SYT1: variants seen among roughly 807,000 people sequenced by gnomAD.
SYT1 encodes the protein synaptotagmin 1.
A neutral mutation model predicts 44.8 loss-of-function variants in SYT1; 8 were observed. That is an observed-to-expected ratio of 0.18 (90% CI 0.10 to 0.32). The LOEUF (loss-of-function observed/expected upper bound fraction) is 0.32. Among genes scored for constraint, SYT1 ranks in the 10% least tolerant of loss-of-function variants. The pLI, the probability that SYT1 is intolerant of heterozygous loss-of-function variation, is 1.00. For synonymous variants in SYT1, 154 were observed against 188.8 expected, an observed-to-expected ratio of 0.82 and a Z score of 1.51; for missense variants, 286 against 509.3, an observed-to-expected ratio of 0.56 and a Z score of 4.22.
chr12:78,883,520 C>T (rs1874576637), intron 1 of SYT1, among the ~76,000 whole-genome samples: 1 of 151,578 alleles, frequency 6.6e-6, no homozygotes, highest in South Asian at 2.1e-4. Flanking sequence ...GTCTTTGTTT[C>T]CCTAGATTAA....
chr12:78,993,317 A>G lies in SYT1; in HGVS notation c.-84+15386A>G, dbSNP rs546920195. On this transcript the variant is annotated intron_variant, in intron 2 of 10. Coordinates refer to ENST00000261205, the MANE Select transcript of SYT1 (RefSeq NM_005639.3). ...GTATATCTTGCAAGAAAAGGCAGTA[A>G]TGTTCAAATTCTTGCATTTTTATTT... is the stretch of plus-strand genomic sequence containing the variant. 2.0e-4 allele frequency among the ~76,000 whole-genome samples: 30 copies of G among 152,342 alleles called. No individual in the cohort carries two copies. In the South Asian group the frequency reaches 5.8e-3, roughly 29 times the overall value.
chr12:79,178,427 G>C (rs1426982020), intron 3 of SYT1, among the ~76,000 whole-genome samples: 1 of 151,970 alleles, frequency 6.6e-6, no homozygotes. Context: ...GTGTCTTTCT[G>C]ACATGTCTCC....
At chr12:79,269,988 A>G (rs2138764316) in intron 4 of SYT1, among the ~76,000 whole-genome samples, 1 of 152,298 alleles carries the variant, frequency 6.6e-6, no homozygotes, top group East Asian at 1.9e-4. Flanking sequence ...CTGTCTCCAG[A>G]GGTGGCTAAT....
chr12:78,923,770 A>G (rs1877144405), intron 1 of SYT1, among the ~76,000 whole-genome samples: 1 of 151,162 alleles, frequency 6.6e-6, no homozygotes, highest in South Asian at 2.1e-4. Flanking sequence ...GTGAGAGAGT[A>G]AGTTGCTGGC....
chr12:79,291,736 T>C (rs923584226), intron 5 of SYT1: 4 of 534,336 alleles, frequency 7.5e-6, no homozygotes, highest in East Asian at 4.7e-5. Flanking sequence ...GTTGACACTT[T>C]CTTTGCAACA....
chr12:79,365,897 G>T (rs1238903754), intron 9 of SYT1, among the ~76,000 whole-genome samples: 2 of 146,902 alleles, frequency 1.4e-5, no homozygotes, highest in Non-Finnish European at 3.0e-5. Context: ...AACTATATTT[G>T]CAGGAGTCTG....
At chr12:79,434,314 C>T (rs1869963336) in intron 9 of SYT1, among the ~76,000 whole-genome samples, 1 of 151,980 alleles carries the variant, frequency 6.6e-6, no homozygotes, top group South Asian at 2.1e-4. Flanking sequence ...AAAATTTTCC[C>T]CAAATATATT....
intron 2 of SYT1, among the ~76,000 whole-genome samples, chr12:78,983,170 T>C (rs907311758): frequency 3.9e-5 from 6 of 152,034 alleles, no homozygotes; most frequent in African/African-American, 1.4e-4. Flanking sequence ...CTCAAATTAA[T>C]ATAATCCACT....
At chr12:79,221,264 C>T (rs1875143892) in intron 4 of SYT1, among the ~76,000 whole-genome samples, 1 of 151,818 alleles carries the variant, frequency 6.6e-6, no homozygotes, top group Admixed American at 6.6e-5. Flanking sequence ...TTTTGGTTTC[C>T]ATTTGCATTA....
chr12:78,894,163 A>G (rs899520235), intron 1 of SYT1, among the ~76,000 whole-genome samples: 18 of 151,076 alleles, frequency 1.2e-4, no homozygotes, highest in Non-Finnish European at 2.7e-4. Context: ...CTGCTTCAAT[A>G]TCTCTCCCCA....
In SYT1 at chr12:79,110,830, C is replaced by T. The variant is rs73355534; in HGVS notation, c.-18+63468C>T. 8.2e-3 allele frequency among the ~76,000 whole-genome samples: 1,249 copies of T among 152,178 alleles called. 20 individuals are homozygous for T. Among genetic ancestry groups the T allele is most frequent in the African/African-American group, 0.029 (1,190 of 41,516 alleles). On this transcript the variant is annotated intron_variant, in intron 3 of 10. Transcript: ENST00000261205. ...ACATTTGTTGAACTCTTACCAAGTA[C>T]GACCTGCAGTTATAATATGCGTTAC...
In SYT1 at chr12:78,894,330, G is replaced by GTTTTTTTTTTTTTTTT. The variant is rs566175647; in HGVS notation, c.-217+29241_-217+29256dup. On this transcript the variant is annotated intron_variant, in intron 1 of 10. Transcript: ENST00000261205. ...AATTTATGATTGTGTTTTTTAATCT[G>GTTTTTTTTTTTTTTTT]TTTTTTTTTTTTTTTTTTTTTTTTT... Among the ~76,000 whole-genome samples the GTTTTTTTTTTTTTTTT allele has an allele frequency of 1.4e-3, 40 of 27,732 alleles. 14 individuals are homozygous for GTTTTTTTTTTTTTTTT. Among genetic ancestry groups the GTTTTTTTTTTTTTTTT allele is most frequent in the Non-Finnish European group, 1.6e-3 (24 of 15,136 alleles). The allele number at this position is 27,732 out of a possible 152,430, so 18.2% of individuals were successfully genotyped here.
intron 9 of SYT1, among the ~76,000 whole-genome samples, chr12:79,366,684 T>C (rs11113987): frequency 0.1 from 15,924 of 152,250 alleles, 862 homozygotes; most frequent in Non-Finnish European, 0.11. Flanking sequence ...TGATCCTCAG[T>C]CTGTTCATCT....
chr12:78,876,844 A>ACG (rs1874160489), intron 1 of SYT1, among the ~76,000 whole-genome samples: 1 of 71,678 alleles, frequency 1.4e-5, no homozygotes, highest in Admixed American at 1.9e-4. Flanking sequence ...TATATATAAT[A>ACG]TATATTATAT....
intron 5 of SYT1, among the ~76,000 whole-genome samples, chr12:79,290,517 A>G (rs187034569): frequency 1.3e-5 from 2 of 152,290 alleles, no homozygotes; most frequent in East Asian, 3.9e-4. Context: ...ATGCCTATCT[A>G]CAGCCTGGTT....
intron 1 of SYT1, among the ~76,000 whole-genome samples, chr12:78,894,215 A>AC (rs1875214319): frequency 1.3e-5 from 2 of 150,994 alleles, no homozygotes; most frequent in Non-Finnish European, 3.0e-5. Context: ...GTCAAGGACT[A>AC]CCCTAAATAC....
intron 8 of SYT1, among the ~76,000 whole-genome samples, chr12:79,318,821 C>T (rs77731812): frequency 0.02 from 3,032 of 152,194 alleles, 101 homozygotes; most frequent in African/African-American, 0.063. Flanking sequence ...TGCTCTTAAT[C>T]GTATCTCAGT....
intron 9 of SYT1, among the ~76,000 whole-genome samples, chr12:79,357,079 TA>T (rs1419832826): frequency 6.6e-6 from 1 of 152,128 alleles, no homozygotes; most frequent in Non-Finnish European, 1.5e-5. Context: ...TTTGAGAAAA[TA>T]AAACATGAAA....
intron 3 of SYT1, among the ~76,000 whole-genome samples, chr12:79,052,306 T>G (rs954616002): frequency 2.0e-5 from 3 of 152,078 alleles, no homozygotes; most frequent in Non-Finnish European, 4.4e-5. Flanking sequence ...TAGCCATATG[T>G]AGAAAGCTGA....
Sources: gnomAD v4.1 joint callset for allele counts (sites outside exome capture counted in the v4.1 genomes callset) on GRCh38, gnomAD v4.1.1 for gene constraint, MANE v1.5 for transcripts, NCBI Gene and HGNC (gene_info 2026-07-23, HGNC 2026-07-21) for gene names.